Variants in NOL4L observed in about 807,000 individuals in gnomAD.
NOL4L encodes the protein nucleolar protein 4 like, also known as nucleolar protein 4-like.
A neutral mutation model predicts 64.5 loss-of-function variants in NOL4L; 7 were observed. The ratio of observed to expected loss-of-function variants is 0.11; its 90% CI spans 0.06 to 0.20. The LOEUF is 0.20. Among genes scored for constraint, NOL4L ranks in the 10% least tolerant of loss-of-function variants. The pLI, the probability that NOL4L is intolerant of heterozygous loss-of-function variation, is 1.00. For missense variants in NOL4L, 680 were observed against 967.1 expected, an observed-to-expected ratio of 0.70 and a Z score of 3.94; for synonymous variants, 413 against 401.0, an observed-to-expected ratio of 1.03 and a Z score of -0.36.
chr20:32,571,042 C>G (rs959245612), intron 1 of NOL4L, among the ~76,000 whole-genome samples: 4 of 152,164 alleles, frequency 2.6e-5, no homozygotes, highest in African/African-American at 9.7e-5. Context: ...AACTGAGGAA[C>G]CCCACTCCAG....
intron 1 of NOL4L, among the ~76,000 whole-genome samples, chr20:32,564,455 A>C (rs922461036): frequency 6.6e-6 from 1 of 152,204 alleles, no homozygotes; most frequent in Non-Finnish European, 1.5e-5. Flanking sequence ...GACATGAAGG[A>C]GCCAGGATTA....
chr20:32,584,814 T>A lies in NOL4L; in HGVS notation c.77A>T (p.Gln26Leu), dbSNP rs951316122. Reference protein sequence around the residue: ...RSPGDSELGRQFRDWCLRTYG... With the variant: ...RSPGDSELGRLFRDWCLRTYG... ...GGTGCGCAAGCACCAGTCCCGGAAC[T>A]GGCGGCCCAGCTCCGAGTCCCCGGG... The change falls in exon 1 of 11, where the codon CAG (glutamine) becomes CTG (leucine). Residue 26 changes from glutamine to leucine, a missense_variant. Physicochemically the swap from Gln to Leu is moderately radical, Grantham distance 113. Coordinates refer to ENST00000621426, the MANE Select transcript of NOL4L (RefSeq NM_001256798.2). 6.5e-7 allele frequency: 1 copy of A among 1,527,774 alleles called. No individual in the cohort carries two copies. The highest frequency in any genetic ancestry group is 8.8e-7 in the Non-Finnish European group (1 of 1,141,218). 94.6% of individuals were successfully genotyped at this position (1,527,774 alleles called of 1,614,324 possible).
Position 32,452,417 on chromosome 20 carries a change from G to A in NOL4L, c.1641C>T (p.Asp547=), listed in dbSNP as rs2013018474. The change falls in exon 10 of 11, where the codon GAC becomes GAT. Residue 547 remains aspartate (D), a synonymous_variant. Coordinates refer to ENST00000621426, the MANE Select transcript of NOL4L (RefSeq NM_001256798.2). ...CTGCGGAGTCCCGCGAGTGCTGCTT[G>A]TCCAGGGCTATGGGCTCATCCTGCA... ...QSSQDEPIAL[D]KQHSRDSAAI... 5.0e-6 allele frequency: 8 copies of A among 1,606,972 alleles called. No homozygotes were observed. The highest frequency in any genetic ancestry group is 6.8e-6 in the Non-Finnish European group (8 of 1,176,336).
intron 4 of NOL4L, among the ~76,000 whole-genome samples, chr20:32,480,292 AT>A (rs1011787571): frequency 2.0e-5 from 3 of 152,130 alleles, no homozygotes; most frequent in Non-Finnish European, 4.4e-5. Flanking sequence ...TTTGCTGAGA[AT>A]TTAGTGCAAT....
At chr20:32,488,822 TTTCTTTTTCTTTCTTTCTTTC>T (rs2016287646) in intron 4 of NOL4L, among the ~76,000 whole-genome samples, 5 of 17,824 alleles carry the variant, frequency 2.8e-4, no homozygotes, top group African/African-American at 9.2e-4. Context: ...TCTTTCTTTC[TTTCTTTTTCTTTCTTTCTTTC>T]TTTCTTTCTT....
chr20:32,459,101 G>GAAGT (rs953351028), intron 5 of NOL4L, among the ~76,000 whole-genome samples: 9 of 152,246 alleles, frequency 5.9e-5, no homozygotes, highest in African/African-American at 2.2e-4. Context: ...TCTGGCCAGG[G>GAAGT]AAGTGGTTGG....
intron 1 of NOL4L, among the ~76,000 whole-genome samples, chr20:32,546,669 G>A (rs1482814154): frequency 2.0e-5 from 3 of 151,900 alleles, no homozygotes; most frequent in African/African-American, 7.3e-5. Flanking sequence ...CCCGAACTCA[G>A]GTGATCCACC....
intron 1 of NOL4L, chr20:32,565,098 C>T (rs1242462375): frequency 1.3e-5 from 2 of 152,540 alleles, no homozygotes; most frequent in East Asian, 3.9e-4. Flanking sequence ...TGTGCAGCCC[C>T]TCACAGAGCT....
intron 1 of NOL4L, among the ~76,000 whole-genome samples, chr20:32,535,194 G>A (rs1311436896): frequency 1.3e-5 from 2 of 151,496 alleles, no homozygotes; most frequent in African/African-American, 4.9e-5. Flanking sequence ...TGATTGAAGA[G>A]AGGGTATTGC....
chr20:32,565,852 A>G lies in NOL4L; in HGVS notation c.321+18718T>C, dbSNP rs118021736. On this transcript the variant is annotated intron_variant, in intron 1 of 10. Transcript: ENST00000621426. The stretch of plus-strand genomic sequence containing the variant: ...GGAGACCAGACTGGGCAACATGGCA[A>G]GACCCCGTCTCTAAAAACAAACAAA... Among the ~76,000 whole-genome samples the G allele has an allele frequency of 1.1e-3, 164 of 152,244 alleles. 2 individuals carry two copies. In the East Asian group the frequency reaches 0.03, roughly 28 times the overall value.
At chr20:32,550,645 G>C (rs936624316) in intron 1 of NOL4L, among the ~76,000 whole-genome samples, 1 of 152,244 alleles carries the variant, frequency 6.6e-6, no homozygotes, top group Non-Finnish European at 1.5e-5. Context: ...ACTTTGGGAG[G>C]CTGAGGTGGG....
chr20:32,573,039 CTTT>C (rs3078261), intron 1 of NOL4L, among the ~76,000 whole-genome samples: 78 of 142,172 alleles, frequency 5.5e-4, no homozygotes, highest in Admixed American at 1.7e-3. Flanking sequence ...GCATCCTTTT[CTTT>C]TTTTTTTTTT....
At position 32,444,827 on chromosome 20, in the gene NOL4L, T is replaced by C. The variant is rs2012261454; in HGVS notation, c.*2769A>G. The C allele has an allele frequency of 6.6e-6, 1 of 152,222 alleles. No homozygotes were observed. The highest frequency in any genetic ancestry group is 2.4e-5 in the African/African-American group (1 of 41,454). The allele number at this position is 152,222 out of a possible 1,614,324, so 9.4% of individuals were successfully genotyped here. A position where few individuals can be genotyped will look rare whatever the true frequency, so the allele number is the denominator to read the frequency against. ...GGACAAGGGCTTTGGGAGCTCCTTT[T>C]GGGAGAAGGCAGTCCCTCTGGTGAG... On this transcript the variant is annotated 3_prime_UTR_variant, in exon 11 of 11. Transcript: ENST00000621426.
At chr20:32,467,603 C>T (rs917596132) in intron 5 of NOL4L, among the ~76,000 whole-genome samples, 28 of 152,140 alleles carry the variant, frequency 1.8e-4, no homozygotes, top group Non-Finnish European at 3.2e-4. Flanking sequence ...CGGGGTGGTG[C>T]GCAGGGCTCA....
At chr20:32,488,746 T>A (rs187863423) in intron 4 of NOL4L, among the ~76,000 whole-genome samples, 1 of 138,802 alleles carries the variant, frequency 7.2e-6, no homozygotes, top group Non-Finnish European at 1.5e-5. Context: ...TCTTTCTTTC[T>A]TTTCCTTCCT....
At chr20:32,558,779 G>A (rs2145610585) in intron 1 of NOL4L, among the ~76,000 whole-genome samples, 1 of 152,320 alleles carries the variant, frequency 6.6e-6, no homozygotes, top group East Asian at 1.9e-4. Context: ...AGCCCCTGGG[G>A]AGCCCCTGAA....
chr20:32,558,959 T>C (rs1215839031), intron 1 of NOL4L, among the ~76,000 whole-genome samples: 2 of 151,994 alleles, frequency 1.3e-5, no homozygotes, highest in African/African-American at 2.4e-5. Flanking sequence ...GGTGAGCCGA[T>C]TGCAGATGGA....
chr20:32,509,772 A>G (rs2017310848), intron 4 of NOL4L: 13 of 1,296,354 alleles, frequency 1.0e-5, no homozygotes, highest in South Asian at 1.2e-5. Context: ...GACACTGACC[A>G]CTACTGGTTC....
At chr20:32,450,769 C>G (rs1003064354) in intron 10 of NOL4L, among the ~76,000 whole-genome samples, 4 of 152,160 alleles carry the variant, frequency 2.6e-5, no homozygotes, top group African/African-American at 9.7e-5. Flanking sequence ...GAGCCCCAGA[C>G]CCCCATGTGT....
Sources: gnomAD v4.1 joint callset for allele counts (sites outside exome capture counted in the v4.1 genomes callset) on GRCh38, gnomAD v4.1.1 for gene constraint, MANE v1.5 for transcripts, NCBI Gene and HGNC (gene_info 2026-07-23, HGNC 2026-07-21) for gene names.